Variants in PARD3B observed in about 807,000 individuals in gnomAD.
PARD3B encodes the protein par-3 family cell polarity regulator beta.
PARD3B carries 103 observed loss-of-function variants against 130.2 expected under a neutral mutation model. The ratio of observed to expected loss-of-function variants is 0.79; its 90% CI spans 0.67 to 0.93. The LOEUF (loss-of-function observed/expected upper bound fraction) is 0.93. Among genes scored for constraint, PARD3B ranks in the 40% least tolerant of loss-of-function variants. PARD3B has a pLI of 0.00. For synonymous variants in PARD3B, 583 were observed against 553.2 expected (o/e 1.05, Z -0.76); for missense variants, 1,609 against 1,499.2 (o/e 1.07, Z -1.21).
chr2:205,531,447 A>T (rs1224772503), intron 21 of PARD3B, among the ~76,000 whole-genome samples: 2 of 152,198 alleles, frequency 1.3e-5, no homozygotes, highest in Non-Finnish European at 2.9e-5. Context: ...CTGTATTCTC[A>T]TCTGTATTTT....
In PARD3B at chr2:205,409,294, C is replaced by T. The variant is rs189995110; in HGVS notation, c.2741+8171C>T. 1.8e-3 allele frequency among the ~76,000 whole-genome samples: 270 copies of T among 152,192 alleles called. 3 individuals are homozygous for T. Among genetic ancestry groups the T allele is most frequent in the South Asian group, 0.011 (54 of 4,828 alleles). On this transcript the variant is annotated intron_variant, in intron 19 of 22. Transcript: ENST00000406610. ...ATTAAAAATATAGAGAGAGAAAGAA[C>T]ATAAACACAATGGCATAGTAGCCAT...
intron 1 of PARD3B, among the ~76,000 whole-genome samples, chr2:204,600,071 T>C (rs2033448868): frequency 6.6e-6 from 1 of 151,792 alleles, no homozygotes; most frequent in African/African-American, 2.4e-5. Flanking sequence ...TTCCTATTTA[T>C]TTTGAATATT....
intron 18 of PARD3B, among the ~76,000 whole-genome samples, chr2:205,372,867 T>G (rs2044878151): frequency 2.0e-5 from 3 of 152,248 alleles, no homozygotes; most frequent in Admixed American, 2.0e-4. Flanking sequence ...TAAGCCCAGC[T>G]ACTCGGGAGG....
intron 2 of PARD3B, among the ~76,000 whole-genome samples, chr2:204,791,281 T>C (rs563387519): frequency 6.6e-6 from 1 of 152,328 alleles, no homozygotes; most frequent in African/African-American, 2.4e-5. Flanking sequence ...TTACTTTTGA[T>C]CTACATTTAG....
chr2:205,168,288 GGAGAGA>G (rs761018109), intron 11 of PARD3B, among the ~76,000 whole-genome samples: 22 of 126,910 alleles, frequency 1.7e-4, no homozygotes, highest in East Asian at 1.7e-3. Context: ...GGTGAGAAAG[GGAGAGA>G]GAGAGAGAGA....
rs2031675800 is a variant in PARD3B, at chr2:205,128,477, T to C, written c.1434+2740T>C. 6.6e-6 allele frequency among the ~76,000 whole-genome samples: 1 copy of C among 152,218 alleles called. No homozygotes were observed. Among genetic ancestry groups the C allele is most frequent in the African/African-American group, 2.4e-5 (1 of 41,464 alleles). On this transcript the variant is annotated intron_variant, in intron 10 of 22. Transcript: ENST00000406610. This position sits in a 1 kb window ranked among gnomAD's most constrained non-coding sequence, Gnocchi z 4.5. Reference sequence around the variant, plus strand: ...CTGGAATAACATTTAACATTGTCTCTGGAGTTCACATCCCAGAATTCAACT... The same window carrying C: ...CTGGAATAACATTTAACATTGTCTCCGGAGTTCACATCCCAGAATTCAACT...
At chr2:205,547,360 A>G (rs2052423454) in intron 21 of PARD3B, among the ~76,000 whole-genome samples, 2 of 152,158 alleles carry the variant, frequency 1.3e-5, no homozygotes, top group African/African-American at 4.8e-5. Flanking sequence ...ATTCCAAACA[A>G]TATTTTTGCA....
At chr2:205,386,015 A>C (rs2045648230) in intron 18 of PARD3B, among the ~76,000 whole-genome samples, 1 of 152,212 alleles carries the variant, frequency 6.6e-6, no homozygotes, top group African/African-American at 2.4e-5. Context: ...GCTCATGTTT[A>C]AAACTTTCTC....
At chr2:204,924,131 A>C (rs867890900) in intron 2 of PARD3B, among the ~76,000 whole-genome samples, 2 of 152,082 alleles carry the variant, frequency 1.3e-5, no homozygotes, top group Non-Finnish European at 2.9e-5. Context: ...AAACAGTTAA[A>C]GGGTGTAAGA....
intron 2 of PARD3B, among the ~76,000 whole-genome samples, chr2:204,942,392 C>T (rs1688974216): frequency 6.6e-6 from 1 of 151,924 alleles, no homozygotes; most frequent in Admixed American, 6.6e-5. Context: ...AGTATAAATT[C>T]CTTAGTTCCA....
chr2:205,069,979 G>C (rs556059079), intron 4 of PARD3B, among the ~76,000 whole-genome samples: 1 of 152,222 alleles, frequency 6.6e-6, no homozygotes, highest in Non-Finnish European at 1.5e-5. Flanking sequence ...CCTATGTCCT[G>C]TGATACCCCA....
rs546113749 is a variant in PARD3B, at chr2:204,664,606, A to G, written c.121-21575A>G. 1.3e-5 allele frequency among the ~76,000 whole-genome samples: 2 copies of G among 152,342 alleles called. No individual in the cohort carries two copies. Among genetic ancestry groups the G allele is most frequent in the African/African-American group, 4.8e-5 (2 of 41,586 alleles). On this transcript the variant is annotated intron_variant, in intron 1 of 22. Coordinates refer to ENST00000406610, the MANE Select transcript of PARD3B (RefSeq NM_001302769.2). This position sits in a 1 kb window ranked among gnomAD's most constrained non-coding sequence, Gnocchi z 5.2. ...ACTTAAAAATGGATCCTGGGTTTTA[A>G]GGAAATTTCCTTTTAAGCACATTTT...
chr2:204,871,381 A>C (rs2045623795), intron 2 of PARD3B, among the ~76,000 whole-genome samples: 1 of 152,122 alleles, frequency 6.6e-6, no homozygotes, highest in Admixed American at 6.6e-5. Flanking sequence ...TCATATCCTG[A>C]TCTATCCTTC....
At chr2:204,977,173 C>G (rs72940500) in intron 3 of PARD3B, among the ~76,000 whole-genome samples, 13,241 of 152,108 alleles carry the variant, frequency 0.087, 715 homozygotes, top group Non-Finnish European at 0.12. Flanking sequence ...ATAATGCCTT[C>G]GTGCTTGTTT....
chr2:204,569,660 G>T (rs1020279651), intron 1 of PARD3B, among the ~76,000 whole-genome samples: 1 of 152,176 alleles, frequency 6.6e-6, no homozygotes. Flanking sequence ...ACTAAAAATT[G>T]TTTGAGAGAA....
At chr2:205,209,345 G>A (rs1437877864) in intron 15 of PARD3B, among the ~76,000 whole-genome samples, 1 of 151,868 alleles carries the variant, frequency 6.6e-6, no homozygotes, top group Non-Finnish European at 1.5e-5. Flanking sequence ...AAAAGCAATG[G>A]CAACAAAAGA....
intron 1 of PARD3B, among the ~76,000 whole-genome samples, chr2:204,679,047 CA>C (rs2036697120): frequency 6.6e-6 from 1 of 152,170 alleles, no homozygotes; most frequent in African/African-American, 2.4e-5. Context: ...TGTAATCATA[CA>C]AAAGGTGCTT....
At chr2:204,937,317 C>G (rs1310938035) in intron 2 of PARD3B, among the ~76,000 whole-genome samples, 1 of 152,224 alleles carries the variant, frequency 6.6e-6, no homozygotes, top group African/African-American at 2.4e-5. Flanking sequence ...TGTTGCCCCT[C>G]TGACACCCAT....
intron 10 of PARD3B, among the ~76,000 whole-genome samples, chr2:205,131,770 G>A (rs1300014560): frequency 6.6e-6 from 1 of 152,174 alleles, no homozygotes; most frequent in Non-Finnish European, 1.5e-5. Flanking sequence ...AAGACCGTAA[G>A]CAGCCCAGTT....
Sources: gnomAD v4.1 joint callset for allele counts (sites outside exome capture counted in the v4.1 genomes callset) on GRCh38, gnomAD v4.1.1 for gene constraint, Gnocchi (gnomAD v3.1) non-coding constraint, MANE v1.5 for transcripts, NCBI Gene and HGNC (gene_info 2026-07-23, HGNC 2026-07-21) for gene names.